STAG1: variants seen among roughly 807,000 people sequenced by gnomAD.
The protein encoded by STAG1 is STAG1 cohesin complex component.
STAG1 carries 26 observed loss-of-function variants against 170.9 expected under a neutral mutation model. The observed-to-expected ratio is 0.15, with a 90% CI of 0.11 to 0.21. The LOEUF is 0.21. Among genes scored for constraint, STAG1 ranks in the 10% least tolerant of loss-of-function variants. The pLI is 1.00. For missense variants in STAG1, 964 were observed against 1,509.5 expected (o/e 0.64, Z 5.99); for synonymous variants, 514 against 497.7 (o/e 1.03, Z -0.44).
chr3:136,437,643 C>T (rs1276456814), intron 15 of STAG1, among the ~76,000 whole-genome samples: 2 of 152,196 alleles, frequency 1.3e-5, no homozygotes, highest in Non-Finnish European at 2.9e-5. Context: ...TGACCTAAAT[C>T]ATCACAAAAT....
intron 5 of STAG1, among the ~76,000 whole-genome samples, chr3:136,548,006 C>G (rs754800768): frequency 1.3e-5 from 2 of 152,194 alleles, no homozygotes; most frequent in Non-Finnish European, 2.9e-5. Flanking sequence ...ATATTCTTGA[C>G]ACCCTTGTCA....
intron 15 of STAG1, among the ~76,000 whole-genome samples, chr3:136,442,632 G>A (rs2088664088): frequency 6.6e-6 from 1 of 151,174 alleles, no homozygotes; most frequent in South Asian, 2.1e-4. Flanking sequence ...AAATCATTAT[G>A]CATAAAAGGT....
At chr3:136,622,929 A>G (rs530326522) in intron 3 of STAG1, among the ~76,000 whole-genome samples, 1 of 152,242 alleles carries the variant, frequency 6.6e-6, no homozygotes, top group East Asian at 1.9e-4. Context: ...ACTACCATTT[A>G]TTTACAAAGA....
intron 6 of STAG1, among the ~76,000 whole-genome samples, chr3:136,529,298 G>A (rs369487187): frequency 6.6e-6 from 1 of 152,114 alleles, no homozygotes; most frequent in African/African-American, 2.4e-5. Flanking sequence ...TTAGATACAA[G>A]AGGCTAAGAT....
intron 6 of STAG1, among the ~76,000 whole-genome samples, chr3:136,523,020 A>T (rs1934769662): frequency 1.3e-5 from 2 of 152,162 alleles, no homozygotes. Flanking sequence ...ATAGTGCCGC[A>T]ATAAACATAC....
intron 22 of STAG1, among the ~76,000 whole-genome samples, chr3:136,398,526 C>T (rs1240152223): frequency 1.3e-5 from 2 of 151,996 alleles, no homozygotes; most frequent in African/African-American, 4.8e-5. Flanking sequence ...TATATATACA[C>T]ACACATAACT....
intron 16 of STAG1, among the ~76,000 whole-genome samples, chr3:136,426,436 T>C (rs1432238703): frequency 6.6e-6 from 1 of 151,862 alleles, no homozygotes; most frequent in Non-Finnish European, 1.5e-5. Flanking sequence ...ACAATAAAAC[T>C]TGCAGACAAG....
chr3:136,634,390 C>T (rs1420224699), intron 1 of STAG1, among the ~76,000 whole-genome samples: 1 of 151,574 alleles, frequency 6.6e-6, no homozygotes, highest in African/African-American at 2.4e-5. Context: ...AAAACCAGGG[C>T]ACCATATAAT....
intron 7 of STAG1, among the ~76,000 whole-genome samples, chr3:136,519,697 GA>G (rs968163773): frequency 2.7e-5 from 4 of 149,150 alleles, no homozygotes; most frequent in Non-Finnish European, 4.5e-5. Flanking sequence ...TGGCGAATTA[GA>G]AAAAAAAAGT....
At chr3:136,427,258 A>G (rs1006263642) in intron 16 of STAG1, among the ~76,000 whole-genome samples, 4 of 152,098 alleles carry the variant, frequency 2.6e-5, no homozygotes, top group African/African-American at 4.8e-5. Context: ...AGTATTAATC[A>G]TAACTGTACA....
chr3:136,623,349 G>T, intron 2 of STAG1, 101 bp from the exon 3 acceptor site: 2 of 967,190 alleles, frequency 2.1e-6, no homozygotes, highest in Non-Finnish European at 1.5e-6. Flanking sequence ...ATTAGAAGTG[G>T]TTTATACTTC....
intron 1 of STAG1, among the ~76,000 whole-genome samples, chr3:136,686,010 A>G (rs7623824): frequency 0.36 from 55,428 of 151,994 alleles, 11,175 homozygotes; most frequent in African/African-American, 0.53. Flanking sequence ...GTTCTCAAGT[A>G]TTGGTAAGCT....
chr3:136,535,887 C>T (rs570651031), intron 6 of STAG1, among the ~76,000 whole-genome samples: 1 of 152,076 alleles, frequency 6.6e-6, no homozygotes, highest in South Asian at 2.1e-4. Context: ...AATAAAAAAC[C>T]GAATTCCTAC....
At chr3:136,652,341 T>A (rs1349738180) in intron 1 of STAG1, among the ~76,000 whole-genome samples, 2 of 152,170 alleles carry the variant, frequency 1.3e-5, no homozygotes, top group African/African-American at 4.8e-5. Flanking sequence ...TTAAATTGCA[T>A]TTTTTTGATC....
chr3:136,712,389 C>T (rs935186398), intron 1 of STAG1, among the ~76,000 whole-genome samples: 5 of 152,048 alleles, frequency 3.3e-5, no homozygotes, highest in African/African-American at 1.2e-4. Flanking sequence ...TGGGAGAAGA[C>T]ATAAGTAACC....
chr3:136,725,514 T>C (rs1933610244), intron 1 of STAG1, among the ~76,000 whole-genome samples: 1 of 152,234 alleles, frequency 6.6e-6, no homozygotes, highest in Admixed American at 6.5e-5. Flanking sequence ...TATTAATTAT[T>C]GCTAGTAATA....
At chr3:136,575,300 T>A (rs781080648) in intron 4 of STAG1, among the ~76,000 whole-genome samples, 1 of 152,170 alleles carries the variant, frequency 6.6e-6, no homozygotes, top group Non-Finnish European at 1.5e-5. Flanking sequence ...CCACGGCTCA[T>A]TGTAGCCTAA....
intron 4 of STAG1, among the ~76,000 whole-genome samples, chr3:136,570,597 T>C (rs1287884752): frequency 1.3e-5 from 2 of 152,214 alleles, no homozygotes; most frequent in Non-Finnish European, 2.9e-5. Flanking sequence ...GCTTAGTAGA[T>C]AATGCCAAAC....
chr3:136,604,579 A>G, intron 3 of STAG1, 106 bp from the exon 4 acceptor site: 1 of 1,045,354 alleles, frequency 9.6e-7, no homozygotes, highest in South Asian at 2.1e-5. Context: ...AAGAAACTTT[A>G]AAATTTCTTC....
Sources: gnomAD v4.1 joint callset for allele counts (sites outside exome capture counted in the v4.1 genomes callset) on GRCh38, gnomAD v4.1.1 for gene constraint, MANE v1.5 for transcripts, NCBI Gene and HGNC (gene_info 2026-07-23, HGNC 2026-07-21) for gene names.